Variants in RCAN2 observed in about 807,000 individuals in gnomAD.
The protein encoded by RCAN2 is regulator of calcineurin 2, also known as calcipressin-2.
RCAN2 carries 9 observed loss-of-function variants against 23.6 expected under a neutral mutation model. That is an observed-to-expected ratio of 0.38 (90% CI 0.23 to 0.67). RCAN2 has a LOEUF of 0.67. RCAN2 is among the 30% of genes least tolerant of loss of function. The probability of loss-of-function intolerance (pLI) is 0.51; values close to 1 mark genes in which losing one functional copy is unlikely to be tolerated. For missense variants in RCAN2, 273 were observed against 302.3 expected (o/e 0.90, Z 0.72); for synonymous variants, 109 against 115.7 (o/e 0.94, Z 0.37).
chr6:46,453,481 C>A (rs781169561), intron 2 of RCAN2, among the ~76,000 whole-genome samples: 3 of 152,274 alleles, frequency 2.0e-5, no homozygotes, highest in South Asian at 2.1e-4. Flanking sequence ...ATGAACATTA[C>A]GGACAACACA....
chr6:46,284,730 A>G (rs1200632709), intron 2 of RCAN2, among the ~76,000 whole-genome samples: 1 of 152,174 alleles, frequency 6.6e-6, no homozygotes, highest in African/African-American at 2.4e-5. Context: ...AGCCTATATC[A>G]TTTCAGGGCC....
At chr6:46,455,367 T>C (rs529132644) in intron 2 of RCAN2, among the ~76,000 whole-genome samples, 1 of 152,310 alleles carries the variant, frequency 6.6e-6, no homozygotes, top group East Asian at 1.9e-4. Flanking sequence ...TTAAAATAAT[T>C]CCTAATCCTC....
In RCAN2 at chr6:46,392,068, T is replaced by C. The variant is rs185192891; in HGVS notation, c.225+64684A>G. 2.8e-4 allele frequency among the ~76,000 whole-genome samples: 43 copies of C among 152,322 alleles called. No individual in the cohort carries two copies. In the East Asian group the frequency reaches 8.3e-3, roughly 29 times the overall value. On this transcript the variant is annotated intron_variant, in intron 2 of 4. Transcript: ENST00000371374. ...TGCCACAAAGATTTATGAGATGTCA[T>C]TAATTACAAGCTTAATAGGCAACCA...
chr6:46,447,299 C>T (rs775860665), intron 2 of RCAN2, among the ~76,000 whole-genome samples: 1 of 151,360 alleles, frequency 6.6e-6, no homozygotes, highest in African/African-American at 2.4e-5. Context: ...TACATGTGCC[C>T]AACATTGGAA....
intron 1 of RCAN2, among the ~76,000 whole-genome samples, chr6:46,477,787 A>C (rs1768755553): frequency 6.6e-6 from 1 of 152,182 alleles, no homozygotes; most frequent in East Asian, 1.9e-4. Flanking sequence ...CCATCTTGCC[A>C]TCTCTAGGGT....
At chr6:46,228,340 C>G (rs961789028) in intron 4 of RCAN2, among the ~76,000 whole-genome samples, 4 of 152,158 alleles carry the variant, frequency 2.6e-5, no homozygotes, top group Non-Finnish European at 5.9e-5. Flanking sequence ...TGTTAACTTT[C>G]TCTCTCGTTG....
At chr6:46,472,589 A>G (rs1768591418) in intron 1 of RCAN2, among the ~76,000 whole-genome samples, 1 of 152,126 alleles carries the variant, frequency 6.6e-6, no homozygotes, top group Admixed American at 6.5e-5. Context: ...TTTCTCCATC[A>G]TAATGGAGAA....
chr6:46,377,419 G>A (rs934732437), intron 2 of RCAN2, among the ~76,000 whole-genome samples: 11 of 152,324 alleles, frequency 7.2e-5, no homozygotes, highest in South Asian at 2.1e-4. Context: ...ACGGAGTCAC[G>A]TAATTCCCAG....
At chr6:46,323,069 G>A (rs1327187558) in intron 2 of RCAN2, among the ~76,000 whole-genome samples, 2 of 152,174 alleles carry the variant, frequency 1.3e-5, no homozygotes, top group Non-Finnish European at 2.9e-5. Context: ...AGTGGCTAGA[G>A]TGTTTGTGTG....
At chr6:46,271,749 G>A (rs1767531045) in intron 2 of RCAN2, among the ~76,000 whole-genome samples, 1 of 152,202 alleles carries the variant, frequency 6.6e-6, no homozygotes, top group African/African-American at 2.4e-5. Context: ...ACTCGTGGTA[G>A]TGGTAGTAGG....
At chr6:46,270,209 C>G (rs1767479134) in intron 2 of RCAN2, among the ~76,000 whole-genome samples, 2 of 151,960 alleles carry the variant, frequency 1.3e-5, no homozygotes, top group Non-Finnish European at 2.9e-5. Context: ...AGGACTAAGC[C>G]CACCAGAGTG....
At chr6:46,317,803 C>T (rs1271171790) in intron 2 of RCAN2, among the ~76,000 whole-genome samples, 5 of 152,150 alleles carry the variant, frequency 3.3e-5, no homozygotes, top group Non-Finnish European at 7.4e-5. Flanking sequence ...TTAATTAATC[C>T]TTAGAGAGAT....
At chr6:46,349,915 C>G (rs1434362549) in intron 2 of RCAN2, among the ~76,000 whole-genome samples, 1 of 152,200 alleles carries the variant, frequency 6.6e-6, no homozygotes, top group African/African-American at 2.4e-5. Flanking sequence ...CTCACCGTGG[C>G]TTCCTATTAC....
chr6:46,264,864 C>T (rs575661523), intron 2 of RCAN2, among the ~76,000 whole-genome samples: 2 of 152,222 alleles, frequency 1.3e-5, no homozygotes, highest in Admixed American at 6.5e-5. Context: ...CACTAGGCCC[C>T]GCACATATGC....
At chr6:46,352,961 C>T (rs1764707621) in intron 2 of RCAN2, among the ~76,000 whole-genome samples, 1 of 152,084 alleles carries the variant, frequency 6.6e-6, no homozygotes, top group Non-Finnish European at 1.5e-5. Flanking sequence ...TTATTACTTG[C>T]CAAGTGAGGA....
At chr6:46,323,640 A>G (rs1763690951) in intron 2 of RCAN2, among the ~76,000 whole-genome samples, 1 of 152,172 alleles carries the variant, frequency 6.6e-6, no homozygotes, top group African/African-American at 2.4e-5. Flanking sequence ...CTCTTTCTGT[A>G]TAAAATCTAC....
At chr6:46,319,407 T>C (rs1290625785) in intron 2 of RCAN2, among the ~76,000 whole-genome samples, 1 of 152,250 alleles carries the variant, frequency 6.6e-6, no homozygotes, top group Non-Finnish European at 1.5e-5. Flanking sequence ...TTAAAATTGC[T>C]GTTTTGTTTT....
At chr6:46,425,307 C>T (rs965232132) in intron 2 of RCAN2, among the ~76,000 whole-genome samples, 10 of 152,180 alleles carry the variant, frequency 6.6e-5, no homozygotes, top group Non-Finnish European at 1.5e-4. Flanking sequence ...TCCATTAGTC[C>T]TCAGAGCAAT....
At chr6:46,268,444 A>G (rs1767413330) in intron 2 of RCAN2, among the ~76,000 whole-genome samples, 1 of 152,224 alleles carries the variant, frequency 6.6e-6, no homozygotes, top group African/African-American at 2.4e-5. Flanking sequence ...TATAATGGTC[A>G]TAACTGGATT....
Sources: gnomAD v4.1 joint callset for allele counts (sites outside exome capture counted in the v4.1 genomes callset) on GRCh38, gnomAD v4.1.1 for gene constraint, MANE v1.5 for transcripts, NCBI Gene and HGNC (gene_info 2026-07-23, HGNC 2026-07-21) for gene names.